The following LRRC17 variants were observed in gnomAD, a reference collection of about 807,000 sequenced individuals.
LRRC17 encodes leucine-rich repeat-containing protein 17.
Under a neutral mutation model 41.5 loss-of-function variants are expected in LRRC17, and 33 were observed. That is an observed-to-expected ratio of 0.80 (90% CI 0.60 to 1.06). The LOEUF (loss-of-function observed/expected upper bound fraction) is 1.06, where lower values mean the gene tolerates loss of function less well. Ranked by LOEUF, LRRC17 falls within the 50% of genes least tolerant of loss-of-function variation. The pLI is 0.00. For synonymous variants in LRRC17, 192 were observed against 197.0 expected (o/e 0.97, Z 0.21); for missense variants, 491 against 519.3 (o/e 0.95, Z 0.53).
At chr7:102,918,921 C>A (rs1445427741) in intron 1 of LRRC17, among the ~76,000 whole-genome samples, 1 of 152,154 alleles carries the variant, frequency 6.6e-6, no homozygotes, top group Non-Finnish European at 1.5e-5. Flanking sequence ...CACATATACA[C>A]ACACACTTAT....
At chr7:102,930,195 TAGC>T (rs1395305215) in intron 1 of LRRC17, among the ~76,000 whole-genome samples, 2 of 151,918 alleles carry the variant, frequency 1.3e-5, no homozygotes, top group Non-Finnish European at 2.9e-5. Flanking sequence ...GGCTGAGAGG[TAGC>T]AGGGAGGGGC....
chr7:102,930,846 AT>A (rs955542481), intron 1 of LRRC17, among the ~76,000 whole-genome samples: 4 of 152,216 alleles, frequency 2.6e-5, no homozygotes, highest in Non-Finnish European at 5.9e-5. Context: ...ATTCTAGTCA[AT>A]GTTGTCCATT....
chr7:102,936,221 C>G lies in LRRC17; in HGVS notation c.772+1536C>G, dbSNP rs185377019. ...ATTCTAGGCTCCAGGTACCCACACA[C>G]GCATGCTGTCTACAACTTCCAGGAA... On this transcript the variant is annotated intron_variant, in intron 2 of 3. Coordinates refer to ENST00000339431, the MANE Select transcript of LRRC17 (RefSeq NM_001031692.3). 4 of 152,228 alleles carry G rather than the reference C, an allele frequency of 2.6e-5. No individual in the cohort carries two copies. In the East Asian group the frequency reaches 7.7e-4, roughly 29 times the overall value. The allele number at this position is 152,228 out of a possible 1,614,324, so 9.4% of individuals were successfully genotyped here.
chr7:102,938,535 G>A lies in LRRC17; in HGVS notation c.773-895G>A, dbSNP rs531807242. Among the ~76,000 whole-genome samples, 6 of 152,236 alleles carry A rather than the reference G, an allele frequency of 3.9e-5. No individual in the cohort carries two copies. In the East Asian group the frequency reaches 1.2e-3, roughly 29 times the overall value. On this transcript the variant is annotated intron_variant, in intron 2 of 3. Coordinates refer to ENST00000339431, the MANE Select transcript of LRRC17 (RefSeq NM_001031692.3). ...TGGAGAAGGAGCAAGCTTGTAAGGGGTAATAATCAAGTAAATATGGTATTT... is the reference window on the plus strand; with the variant it reads ...TGGAGAAGGAGCAAGCTTGTAAGGGATAATAATCAAGTAAATATGGTATTT...
chr7:102,925,142 C>A (rs1007159251), intron 1 of LRRC17, among the ~76,000 whole-genome samples: 1 of 152,190 alleles, frequency 6.6e-6, no homozygotes, highest in Admixed American at 6.5e-5. Context: ...GTGGCTCATG[C>A]CAGCACTTTG....
intron 1 of LRRC17, among the ~76,000 whole-genome samples, chr7:102,929,424 G>A (rs547365834): frequency 4.7e-4 from 72 of 152,272 alleles, no homozygotes; most frequent in African/African-American, 1.7e-3. Context: ...CACTTTGGGA[G>A]GCCGAGGCGG....
At chr7:102,929,198 G>A (rs1037270688) in intron 1 of LRRC17, among the ~76,000 whole-genome samples, 5 of 152,136 alleles carry the variant, frequency 3.3e-5, no homozygotes, top group Non-Finnish European at 7.4e-5. Context: ...GTTTTGAAAA[G>A]ATGTTTTACT....
rs555438247 is a variant in LRRC17, at chr7:102,929,020, T to G, written c.-140-4754T>G. Among the ~76,000 whole-genome samples, 3 of 152,344 alleles carry G rather than the reference T, an allele frequency of 2.0e-5. No homozygotes were observed. In the East Asian group the frequency reaches 5.8e-4, roughly 29 times the overall value. ...TTATTTATGTTAAAGTACAAGCCAC[T>G]GAGAAGATGCTTAGTTTACAGTCTA... On this transcript the variant is annotated intron_variant, in intron 1 of 3. Coordinates refer to ENST00000339431, the MANE Select transcript of LRRC17 (RefSeq NM_001031692.3).
chr7:102,941,483 GTAA>G (rs1821414413), intron 3 of LRRC17, among the ~76,000 whole-genome samples: 1 of 152,128 alleles, frequency 6.6e-6, no homozygotes, highest in East Asian at 1.9e-4. Flanking sequence ...ACTGATTTGA[GTAA>G]TAATAAAACT....
Position 102,944,478 on chromosome 7 carries a change from A to C in LRRC17, c.1197A>C (p.Glu399Asp). 1 of 1,614,094 alleles carries C rather than the reference A, an allele frequency of 6.2e-7. No homozygotes were observed. The highest frequency in any genetic ancestry group is 1.3e-5 in the African/African-American group (1 of 75,044). ...AATATATTAGAAGTTACTATGAAGA[A>C]TGCCCCAAAGACAAGTTACCAGCAT... The part of the protein sequence containing the change: ...VGKYIRSYYE[E>D]CPKDKLPAYP... Residue 399 changes from glutamate to aspartate, a missense_variant, in exon 4 of 4, where the codon GAA becomes GAC. Transcript: ENST00000339431.
intron 1 of LRRC17, among the ~76,000 whole-genome samples, chr7:102,922,222 T>C (rs1342248784): frequency 2.7e-5 from 4 of 150,906 alleles, no homozygotes; most frequent in Non-Finnish European, 5.9e-5. Flanking sequence ...AATAAATAAA[T>C]AAACATTACT....
chr7:102,930,922 C>T (rs1819053763), intron 1 of LRRC17, among the ~76,000 whole-genome samples: 1 of 152,266 alleles, frequency 6.6e-6, no homozygotes, highest in East Asian at 1.9e-4. Flanking sequence ...TGCCAAAGTT[C>T]GTGCTGTTGT....
At chr7:102,939,679 G>T in intron 3 of LRRC17, 94 bp downstream of exon 3, 1 of 1,086,930 alleles carries the variant, frequency 9.2e-7, no homozygotes, top group South Asian at 2.0e-5. Flanking sequence ...CAGTTTAAAA[G>T]TAACTGAACT....
At position 102,944,656 on chromosome 7, in the gene LRRC17, G is replaced by A; in HGVS notation, c.*49G>A. The A allele has an allele frequency of 6.8e-7, 1 of 1,464,760 alleles. No homozygotes were observed. The highest frequency in any genetic ancestry group is 9.2e-7 in the Non-Finnish European group (1 of 1,088,640). 90.7% of individuals were successfully genotyped at this position (1,464,760 alleles called of 1,614,324 possible). A position where few individuals can be genotyped will look rare whatever the true frequency, so the allele number is the denominator to read the frequency against. ...TTAGTTTTGTATTTTCTATACTGGT[G>A]TTAGAAAACATATGTTTACATTTGA... On this transcript the variant is annotated 3_prime_UTR_variant, in exon 4 of 4. Coordinates refer to ENST00000339431, the MANE Select transcript of LRRC17 (RefSeq NM_001031692.3).
chr7:102,937,865 A>G (rs1033010746), intron 2 of LRRC17, among the ~76,000 whole-genome samples: 2 of 152,342 alleles, frequency 1.3e-5, no homozygotes, highest in African/African-American at 4.8e-5. Context: ...CCACATATAC[A>G]TGGTCACACA....
chr7:102,918,183 G>C (rs1816285625), intron 1 of LRRC17, among the ~76,000 whole-genome samples: 1 of 152,112 alleles, frequency 6.6e-6, no homozygotes, highest in Non-Finnish European at 1.5e-5. Flanking sequence ...ATGGAAAATA[G>C]AGCAAAAACA....
At position 102,929,759 on chromosome 7, in the gene LRRC17, G is replaced by A. The variant is rs1308425888; in HGVS notation, c.-140-4015G>A. ...GCCGGGGGTTGAGAGAAAATGAAGG[G>A]TGACTGTTGATGGGCATGGGTTCTG... On this transcript the variant is annotated intron_variant, in intron 1 of 3. Transcript: ENST00000339431. 2.6e-5 allele frequency among the ~76,000 whole-genome samples: 4 copies of A among 152,074 alleles called. No individual in the cohort carries two copies. The East Asian group carries it at 7.7e-4, about 29-fold the overall frequency.
At chr7:102,914,912 G>C (rs987733943) in intron 1 of LRRC17, among the ~76,000 whole-genome samples, 2 of 152,180 alleles carry the variant, frequency 1.3e-5, no homozygotes, top group Admixed American at 6.5e-5. Flanking sequence ...TCTTGGGGTG[G>C]GGAGAGGCAC....
chr7:102,942,443 C>T, intron 3 of LRRC17: 7 of 1,045,666 alleles, frequency 6.7e-6, no homozygotes, highest in Non-Finnish European at 9.3e-6. Context: ...AAGAAGATAC[C>T]CTACTAGGGG....
Sources: gnomAD v4.1 joint callset for allele counts (sites outside exome capture counted in the v4.1 genomes callset) on GRCh38, gnomAD v4.1.1 for gene constraint, MANE v1.5 for transcripts, NCBI Gene and HGNC (gene_info 2026-07-23, HGNC 2026-07-21) for gene names.